The following DPP10 variants were observed in gnomAD, a reference collection of about 807,000 sequenced individuals.
DPP10 encodes inactive dipeptidyl peptidase 10.
In DPP10, 33 loss-of-function variants were observed where a neutral mutation model predicts 120.9. That is an observed-to-expected ratio of 0.27 (90% CI 0.21 to 0.37). The LOEUF (loss-of-function observed/expected upper bound fraction) is 0.37, where lower values mean the gene tolerates loss of function less well. DPP10 is among the 10% of genes least tolerant of loss of function. The pLI is 1.00. For missense variants in DPP10, 816 were observed against 942.8 expected (o/e 0.87, Z 1.76); for synonymous variants, 337 against 326.1 (o/e 1.03, Z -0.36).
intron 1 of DPP10, among the ~76,000 whole-genome samples, chr2:115,115,076 A>ACCGATATGTGTGTGCACATAT (rs1207330123): frequency 6.4e-4 from 98 of 151,964 alleles, no homozygotes; most frequent in African/African-American, 2.0e-3. Context: ...TATGTGTATG[A>ACCGATATGTGTGTGCACATAT]CCGATATGTG....
At chr2:115,065,831 A>G (rs1469689695) in intron 1 of DPP10, among the ~76,000 whole-genome samples, 1 of 152,176 alleles carries the variant, frequency 6.6e-6, no homozygotes, top group Admixed American at 6.5e-5. Flanking sequence ...TATCATTGTT[A>G]GTTTTTATTG....
intron 1 of DPP10, among the ~76,000 whole-genome samples, chr2:114,644,538 G>T (rs1246817345): frequency 6.6e-6 from 1 of 151,848 alleles, no homozygotes; most frequent in Non-Finnish European, 1.5e-5. Flanking sequence ...GTCTAAGTCA[G>T]TGAGACCCTG....
intron 1 of DPP10, among the ~76,000 whole-genome samples, chr2:114,749,199 C>G (rs1678942116): frequency 6.7e-6 from 1 of 148,764 alleles, no homozygotes; most frequent in Non-Finnish European, 1.5e-5. Context: ...GCATAAATGT[C>G]TTCTTTTGAG....
At chr2:115,788,531 T>C (rs1265905172) in intron 17 of DPP10, among the ~76,000 whole-genome samples, 2 of 151,904 alleles carry the variant, frequency 1.3e-5, no homozygotes, top group Non-Finnish European at 2.9e-5. Flanking sequence ...AAGAGAAAAA[T>C]GTAATGCCAT....
At chr2:114,803,417 G>A (rs1684439627) in intron 1 of DPP10, among the ~76,000 whole-genome samples, 1 of 152,208 alleles carries the variant, frequency 6.6e-6, no homozygotes, top group Non-Finnish European at 1.5e-5. Flanking sequence ...TTGGGTAAGA[G>A]GTAGAGGTTG....
At chr2:115,059,712 G>T (rs1352831852) in intron 1 of DPP10, among the ~76,000 whole-genome samples, 2 of 140,986 alleles carry the variant, frequency 1.4e-5, no homozygotes, top group Admixed American at 7.0e-5. Context: ...AAGCAAACGT[G>T]GAAGAAAAAT....
At chr2:114,750,373 G>T (rs577049638) in intron 1 of DPP10, among the ~76,000 whole-genome samples, 1 of 150,700 alleles carries the variant, frequency 6.6e-6, no homozygotes, top group African/African-American at 2.4e-5. Flanking sequence ...TTGCTGTGTC[G>T]CCCAGGCTGG....
intron 5 of DPP10, among the ~76,000 whole-genome samples, chr2:115,548,992 C>T (rs1184079595): frequency 6.6e-6 from 1 of 152,108 alleles, no homozygotes; most frequent in East Asian, 1.9e-4. Context: ...AGCACCATCA[C>T]CATCACTTAC....
At chr2:114,706,735 G>T (rs1195933235) in intron 1 of DPP10, among the ~76,000 whole-genome samples, 1 of 152,120 alleles carries the variant, frequency 6.6e-6, no homozygotes, top group Non-Finnish European at 1.5e-5. Flanking sequence ...CTATCTTCTA[G>T]TATCCACTGT....
chr2:115,264,619 T>C (rs1165028312), intron 1 of DPP10, among the ~76,000 whole-genome samples: 1 of 152,198 alleles, frequency 6.6e-6, no homozygotes, highest in Non-Finnish European at 1.5e-5. Context: ...TGTGAACACA[T>C]AATACTATCT....
At chr2:114,742,458 T>C (rs1252857937) in intron 1 of DPP10, among the ~76,000 whole-genome samples, 1 of 152,256 alleles carries the variant, frequency 6.6e-6, no homozygotes, top group African/African-American at 2.4e-5. Flanking sequence ...AACTATATTT[T>C]GAAATCTTGC....
chr2:114,462,273 T>C, intron 1 of DPP10: 1 of 421,194 alleles, frequency 2.4e-6, no homozygotes, highest in Non-Finnish European at 3.2e-6. Flanking sequence ...AGTACATTTG[T>C]CACAATGAGG....
chr2:115,668,661 G>T (rs1428885823), intron 5 of DPP10, among the ~76,000 whole-genome samples: 1 of 152,042 alleles, frequency 6.6e-6, no homozygotes, highest in South Asian at 2.1e-4. Context: ...GGGTGGGCTG[G>T]TCTGTCAGGT....
At chr2:115,820,799 A>G (rs12711835) in intron 21 of DPP10, among the ~76,000 whole-genome samples, 7,442 of 105,546 alleles carry the variant, frequency 0.071, 373 homozygotes, top group African/African-American at 0.22. Context: ...TCCATGGTGT[A>G]TGTGTGTGTG....
At chr2:115,581,673 C>G (rs898586761) in intron 5 of DPP10, among the ~76,000 whole-genome samples, 1 of 151,992 alleles carries the variant, frequency 6.6e-6, no homozygotes, top group African/African-American at 2.4e-5. Context: ...TCAGCAGTAC[C>G]AAAGGGTTTT....
chr2:115,684,539 GT>G (rs949976252), intron 5 of DPP10, among the ~76,000 whole-genome samples: 2 of 151,772 alleles, frequency 1.3e-5, no homozygotes, highest in African/African-American at 4.8e-5. Context: ...TTTCCTAACT[GT>G]TTGATTCCAT....
intron 1 of DPP10, among the ~76,000 whole-genome samples, chr2:115,115,910 A>G (rs2049480786): frequency 6.6e-6 from 1 of 152,200 alleles, no homozygotes; most frequent in African/African-American, 2.4e-5. Flanking sequence ...CTTTGAAAAG[A>G]GGTTGTATAT....
intron 17 of DPP10, among the ~76,000 whole-genome samples, chr2:115,782,692 T>C (rs1053482260): frequency 2.0e-5 from 3 of 152,106 alleles, no homozygotes; most frequent in Admixed American, 1.3e-4. Context: ...CTTACTGGCC[T>C]CTTAATGTTC....
chr2:115,382,185 G>T (rs2066435896), intron 3 of DPP10, among the ~76,000 whole-genome samples: 1 of 152,174 alleles, frequency 6.6e-6, no homozygotes, highest in Non-Finnish European at 1.5e-5. Context: ...TTTGATCTCA[G>T]ACTGCTGTGC....
Sources: allele counts gnomAD v4.1 joint callset (sites outside exome capture counted in the v4.1 genomes callset), GRCh38; gene constraint gnomAD v4.1.1; transcripts MANE v1.5; gene names NCBI Gene and HGNC (gene_info 2026-07-23, HGNC 2026-07-21).